Variants in GRID2 observed in about 807,000 individuals in gnomAD.
GRID2 encodes glutamate receptor ionotropic, delta-2.
Under a neutral mutation model 114.8 loss-of-function variants are expected in GRID2, and 33 were observed. That is an observed-to-expected ratio of 0.29 (90% CI 0.22 to 0.38). GRID2 has a LOEUF of 0.38. Ranked by LOEUF, GRID2 falls within the 10% of genes least tolerant of loss-of-function variation. GRID2 has a pLI of 1.00. For missense variants in GRID2, 1,184 were observed against 1,257.7 expected (o/e 0.94, Z 0.89); for synonymous variants, 505 against 449.9 (o/e 1.12, Z -1.55).
At chr4:93,077,835 A>T (rs907815724) in intron 2 of GRID2, among the ~76,000 whole-genome samples, 11 of 152,210 alleles carry the variant, frequency 7.2e-5, no homozygotes, top group African/African-American at 2.7e-4. Flanking sequence ...GCCTTTCTAA[A>T]CACAGTGTTA....
chr4:93,097,041 T>C (rs1222130460), intron 3 of GRID2, among the ~76,000 whole-genome samples: 1 of 151,872 alleles, frequency 6.6e-6, no homozygotes, highest in Non-Finnish European at 1.5e-5. Flanking sequence ...TATAAATGAG[T>C]AATACTGTAT....
chr4:93,697,802 AC>A (rs1490926325), intron 14 of GRID2, among the ~76,000 whole-genome samples: 26 of 147,678 alleles, frequency 1.8e-4, no homozygotes, highest in Non-Finnish European at 3.0e-4. Context: ...AAATATTCTC[AC>A]CACAGAAAAG....
At chr4:92,694,608 T>C (rs1337141666) in intron 2 of GRID2, among the ~76,000 whole-genome samples, 1 of 152,222 alleles carries the variant, frequency 6.6e-6, no homozygotes, top group Non-Finnish European at 1.5e-5. Flanking sequence ...TTAGTTTCAT[T>C]ATTTTCAATT....
At chr4:93,588,469 G>T (rs796551566) in intron 13 of GRID2, among the ~76,000 whole-genome samples, 1 of 152,122 alleles carries the variant, frequency 6.6e-6, no homozygotes, top group African/African-American at 2.4e-5. Context: ...GTTTCTGTAA[G>T]AATGAGGATG....
chr4:93,182,338 T>G (rs1427791203), intron 4 of GRID2, among the ~76,000 whole-genome samples: 1 of 152,118 alleles, frequency 6.6e-6, no homozygotes, highest in African/African-American at 2.4e-5. Flanking sequence ...TCCATTAACT[T>G]AAAAAAATGA....
At chr4:92,600,040 GTGTGTATATA>G (rs1397469813) in intron 2 of GRID2, among the ~76,000 whole-genome samples, 41 of 70,714 alleles carry the variant, frequency 5.8e-4, no homozygotes, top group African/African-American at 2.3e-3. Flanking sequence ...GTGTGTGTGT[GTGTGTATATA>G]TATATATATA....
chr4:92,852,818 G>C (rs1207694956), intron 2 of GRID2, among the ~76,000 whole-genome samples: 1 of 151,754 alleles, frequency 6.6e-6, no homozygotes, highest in East Asian at 1.9e-4. Flanking sequence ...TCTTTCTTCT[G>C]CTAGGAACTT....
chr4:92,986,997 A>G (rs1754545088), intron 2 of GRID2, among the ~76,000 whole-genome samples: 1 of 152,134 alleles, frequency 6.6e-6, no homozygotes, highest in African/African-American at 2.4e-5. Flanking sequence ...TAGAAAAATA[A>G]TGTATACCCT....
At chr4:92,390,868 G>T (rs1157712879) in intron 1 of GRID2, among the ~76,000 whole-genome samples, 1 of 152,056 alleles carries the variant, frequency 6.6e-6, no homozygotes, top group Non-Finnish European at 1.5e-5. Flanking sequence ...AAAGTTCCAT[G>T]ATGTCAAGGA....
chr4:92,476,205 T>G (rs1485886296), intron 1 of GRID2, among the ~76,000 whole-genome samples: 2 of 151,932 alleles, frequency 1.3e-5, no homozygotes, highest in East Asian at 1.9e-4. Flanking sequence ...TTTTGTACTT[T>G]TAGTAGAGAC....
At chr4:93,026,491 G>T (rs754681246) in intron 2 of GRID2, among the ~76,000 whole-genome samples, 1 of 151,826 alleles carries the variant, frequency 6.6e-6, no homozygotes, top group Non-Finnish European at 1.5e-5. Flanking sequence ...ATTTTACAAT[G>T]TGTGAACAAA....
chr4:92,304,392 G>C lies in GRID2; in HGVS notation c.-265G>C. ...TAGAGGCTGGATATATTTTTCAAAAGCCAAACTGCAAACAACTCTGGCGAT... is the reference window on the plus strand; with the variant it reads ...TAGAGGCTGGATATATTTTTCAAAACCCAAACTGCAAACAACTCTGGCGAT... On this transcript the variant is annotated 5_prime_UTR_variant, in exon 1 of 16. Coordinates refer to ENST00000282020, the MANE Select transcript of GRID2 (RefSeq NM_001510.4). 1 of 526,780 alleles carries C rather than the reference G, an allele frequency of 1.9e-6. No individual in the cohort carries two copies. The highest frequency in any genetic ancestry group is 3.4e-6 in the Non-Finnish European group (1 of 296,656). 32.6% of individuals were successfully genotyped at this position (526,780 alleles called of 1,614,324 possible).
chr4:93,778,466 G>A (rs569491672), downstream of GRID2, among the ~76,000 whole-genome samples: 3 of 137,440 alleles, frequency 2.2e-5, no homozygotes, highest in South Asian at 2.3e-4. Context: ...GCACGATCTC[G>A]GCTCCCTGGA....
At chr4:92,607,887 T>C (rs574894117) in intron 2 of GRID2, among the ~76,000 whole-genome samples, 2 of 151,716 alleles carry the variant, frequency 1.3e-5, no homozygotes, top group South Asian at 4.2e-4. Flanking sequence ...GCGTAAACAA[T>C]AGGATAACAA....
chr4:92,321,731 T>C (rs1726325656), intron 1 of GRID2, among the ~76,000 whole-genome samples: 1 of 152,180 alleles, frequency 6.6e-6, no homozygotes. Context: ...GGAGCATAAC[T>C]TGAATGAGTT....
At chr4:92,666,650 G>GTTTTTTTTTTTTTTTTTTTTTTT (rs70942922) in intron 2 of GRID2, among the ~76,000 whole-genome samples, 11 of 68,600 alleles carry the variant, frequency 1.6e-4, no homozygotes, top group African/African-American at 3.1e-4. Flanking sequence ...CTTAAGGGTT[G>GTTTTTTTTTTTTTTTTTTTTTTT]TTTTTTTTTT....
chr4:93,340,070 A>AT (rs1759490386), intron 8 of GRID2, among the ~76,000 whole-genome samples: 1 of 151,960 alleles, frequency 6.6e-6, no homozygotes, highest in South Asian at 2.1e-4. Flanking sequence ...CACATCACCT[A>AT]TTTATCTTTT....
intron 1 of GRID2, among the ~76,000 whole-genome samples, chr4:92,559,425 T>G (rs1232122312): frequency 6.6e-6 from 1 of 152,192 alleles, no homozygotes; most frequent in East Asian, 1.9e-4. Flanking sequence ...ATACTTAGGT[T>G]CAGTATTCCT....
intron 1 of GRID2, among the ~76,000 whole-genome samples, chr4:92,451,879 A>ATTT (rs1331373812): frequency 6.6e-6 from 1 of 152,208 alleles, no homozygotes; most frequent in East Asian, 1.9e-4. Flanking sequence ...TGGGAGGGTC[A>ATTT]CAAGATAAGA....
Sources: allele counts gnomAD v4.1 joint callset (sites outside exome capture counted in the v4.1 genomes callset), GRCh38; gene constraint gnomAD v4.1.1; transcripts MANE v1.5; gene names NCBI Gene and HGNC (gene_info 2026-07-23, HGNC 2026-07-21).